The following CACNA1D variants were observed in gnomAD, a reference collection of about 807,000 sequenced individuals.
The protein encoded by CACNA1D is calcium voltage-gated channel subunit alpha1 D.
CACNA1D carries 55 observed loss-of-function variants against 257.1 expected under a neutral mutation model. That is an observed-to-expected ratio of 0.21 (90% CI 0.17 to 0.27). CACNA1D has a LOEUF of 0.27. Among genes scored for constraint, CACNA1D ranks in the 10% least tolerant of loss-of-function variants. The probability of loss-of-function intolerance (pLI) is 1.00; values close to 1 mark genes in which losing one functional copy is unlikely to be tolerated. For synonymous variants in CACNA1D, 980 were observed against 1,014.9 expected, an observed-to-expected ratio of 0.97 and a Z score of 0.65; for missense variants, 1,876 against 2,784.0, an observed-to-expected ratio of 0.67 and a Z score of 7.34.
At chr3:53,566,461 A>G (rs962391812) in intron 3 of CACNA1D, among the ~76,000 whole-genome samples, 6 of 152,146 alleles carry the variant, frequency 3.9e-5, no homozygotes, top group Non-Finnish European at 7.4e-5. Flanking sequence ...ACCCTCTCCC[A>G]TAATAGCACC....
At chr3:53,557,145 G>C (rs921232705) in intron 3 of CACNA1D, among the ~76,000 whole-genome samples, 10 of 152,256 alleles carry the variant, frequency 6.6e-5, no homozygotes, top group Admixed American at 5.2e-4. Context: ...CCCAACTACA[G>C]ATCATAAAGA....
At chr3:53,615,872 C>T (rs184514613) in intron 3 of CACNA1D, among the ~76,000 whole-genome samples, 1 of 152,298 alleles carries the variant, frequency 6.6e-6, no homozygotes, top group East Asian at 1.9e-4. Context: ...CAAACTCCTC[C>T]TTGGCAGTTC....
At position 53,495,513 on chromosome 3, in the gene CACNA1D, G is replaced by A. The variant is rs990511836; in HGVS notation, c.67+280G>A. ...AGGGGCGGCGAGTCGGGGTGATTCG[G>A]GTTCAGTGTCCTCGGGCTCAACTTT... On this transcript the variant is annotated intron_variant, in intron 1 of 47. Transcript: ENST00000350061. This position sits in a 1 kb window ranked among gnomAD's most constrained non-coding sequence, Gnocchi z 5.1. Among the ~76,000 whole-genome samples, 1 of 152,154 alleles carries A rather than the reference G, an allele frequency of 6.6e-6. No individual in the cohort carries two copies. The highest frequency in any genetic ancestry group is 2.4e-5 in the African/African-American group (1 of 41,442).
At chr3:53,502,216 T>C (rs909490922) in intron 3 of CACNA1D, among the ~76,000 whole-genome samples, 2 of 152,238 alleles carry the variant, frequency 1.3e-5, no homozygotes, top group East Asian at 3.9e-4. Flanking sequence ...ATTTGGAGAA[T>C]AATACATGAT....
chr3:53,801,610 G>T (rs2095536508), intron 42 of CACNA1D, among the ~76,000 whole-genome samples, 185 bp downstream of exon 42: 1 of 152,132 alleles, frequency 6.6e-6, no homozygotes, highest in East Asian at 1.9e-4. Context: ...TCCACGTGAT[G>T]GACCTAAAGG....
At chr3:53,544,741 A>T (rs1451567697) in intron 3 of CACNA1D, among the ~76,000 whole-genome samples, 2 of 152,208 alleles carry the variant, frequency 1.3e-5, no homozygotes, top group Non-Finnish European at 2.9e-5. Context: ...GGCATGGCGA[A>T]TCGGATGGTT....
intron 14 of CACNA1D, 122 bp from the exon 15 acceptor site, chr3:53,726,757 T>A (rs1322745765): frequency 4.5e-6 from 5 of 1,112,810 alleles, no homozygotes; most frequent in Non-Finnish European, 6.9e-6. Context: ...ATGGATTTGT[T>A]CAGTGCAAAC....
At chr3:53,681,182 A>T (rs546810141) in intron 8 of CACNA1D, among the ~76,000 whole-genome samples, 1 of 152,318 alleles carries the variant, frequency 6.6e-6, no homozygotes, top group Non-Finnish European at 1.5e-5. Context: ...TCTGGAAAAA[A>T]CAAAACAGCT....
rs768935293 is a variant in CACNA1D, at chr3:53,722,306, T to G, written c.1506-8T>G. 2 of 1,613,956 alleles carry G rather than the reference T, an allele frequency of 1.2e-6. No individual in the cohort carries two copies. The highest frequency in any genetic ancestry group is 2.7e-5 in the African/African-American group (2 of 74,938). On this transcript the variant is annotated splice_polypyrimidine_tract_variant and splice_region_variant and intron_variant, in intron 11 of 47. Coordinates refer to ENST00000350061, the MANE Select transcript of CACNA1D (RefSeq NM_001128840.3). Reference sequence around the variant, plus strand: ...TCATCTACGTAGTAATGTTTGCTTGTCTTTTAGCCGACGCTGGCGTCGCTG... The same window carrying G: ...TCATCTACGTAGTAATGTTTGCTTGGCTTTTAGCCGACGCTGGCGTCGCTG...
chr3:53,615,787 C>T (rs112121518), intron 3 of CACNA1D, among the ~76,000 whole-genome samples: 2,269 of 152,276 alleles, frequency 0.015, 67 homozygotes, highest in African/African-American at 0.051. Flanking sequence ...TTCCAACTGG[C>T]GCTGTAACTT....
At chr3:53,553,519 A>G (rs772375930) in intron 3 of CACNA1D, among the ~76,000 whole-genome samples, 19 of 152,130 alleles carry the variant, frequency 1.2e-4, no homozygotes, top group Non-Finnish European at 2.8e-4. Flanking sequence ...TTAAAATGTA[A>G]TGTGTGTGTA....
chr3:53,761,852 G>A (rs1003218364), intron 29 of CACNA1D, 146 bp from the exon 30 acceptor site: 1 of 706,464 alleles, frequency 1.4e-6, no homozygotes, highest in Non-Finnish European at 2.6e-6. Context: ...TTCCACCAGT[G>A]GACAGTATTG....
At position 53,740,028 on chromosome 3, in the gene CACNA1D, C is replaced by T. The variant is rs1417142956; in HGVS notation, c.2752-252C>T. Among the ~76,000 whole-genome samples, 9 of 152,202 alleles carry T rather than the reference C, an allele frequency of 5.9e-5. No individual in the cohort carries two copies. The East Asian group carries it at 1.7e-3, about 29-fold the overall frequency. The stretch of plus-strand genomic sequence containing the variant: ...CACTCTTAGAAATGAGCCTCTCTGC[C>T]TGTCCAAGACACAAGACTGGGAAGC... On this transcript the variant is annotated intron_variant, in intron 20 of 47. Coordinates refer to ENST00000350061, the MANE Select transcript of CACNA1D (RefSeq NM_001128840.3).
At chr3:53,745,786 C>A (rs1443975148) in intron 24 of CACNA1D, 37 bp from the exon 25 acceptor site, 10 of 1,606,238 alleles carry the variant, frequency 6.2e-6, no homozygotes, top group Non-Finnish European at 8.5e-6. Context: ...AAGGAGAAGC[C>A]TGCATTTACT....
intron 3 of CACNA1D, among the ~76,000 whole-genome samples, chr3:53,646,506 G>T (rs1232882681): frequency 6.6e-6 from 1 of 151,980 alleles, no homozygotes; most frequent in Non-Finnish European, 1.5e-5. Context: ...CTTTCTAGTA[G>T]CACCTATGAG....
chr3:53,610,776 A>G (rs1435517207), intron 3 of CACNA1D, among the ~76,000 whole-genome samples: 1 of 152,084 alleles, frequency 6.6e-6, no homozygotes, highest in Non-Finnish European at 1.5e-5. Context: ...CTCTTGCCAC[A>G]TAAGCTATAT....
chr3:53,569,308 C>T (rs897561572), intron 3 of CACNA1D, among the ~76,000 whole-genome samples: 17 of 152,212 alleles, frequency 1.1e-4, no homozygotes, highest in African/African-American at 3.9e-4. Context: ...CTTGGAGAGG[C>T]ACGCCCTGTC....
At chr3:53,745,590 AAAG>A in intron 23 of CACNA1D, 31 bp from the exon 24 acceptor site, 1 of 1,445,204 alleles carries the variant, frequency 6.9e-7, no homozygotes, top group African/African-American at 1.4e-5. Flanking sequence ...CCAAAATCAC[AAAG>A]AAGAGTCACG....
At chr3:53,743,198 G>T (rs1177091137) in intron 22 of CACNA1D, 81 bp downstream of exon 22, 12 of 853,038 alleles carry the variant, frequency 1.4e-5, no homozygotes, top group Non-Finnish European at 2.4e-5. Context: ...GATAAAGGCT[G>T]GGCATCATTT....
Sources: allele counts gnomAD v4.1 joint callset (sites outside exome capture counted in the v4.1 genomes callset), GRCh38; gene constraint gnomAD v4.1.1; non-coding constraint Gnocchi (gnomAD v3.1); transcripts MANE v1.5; gene names NCBI Gene and HGNC (gene_info 2026-07-23, HGNC 2026-07-21).